ABCA13: variants seen among roughly 807,000 people sequenced by gnomAD.
ABCA13 encodes the protein ATP binding cassette subfamily A member 13, also known as ATP-binding cassette sub-family A member 13.
Under a neutral mutation model 478.7 loss-of-function variants are expected in ABCA13, and 476 were observed. The observed-to-expected ratio is 0.99, with a 90% CI of 0.92 to 1.07. The LOEUF (loss-of-function observed/expected upper bound fraction) is 1.07. Among genes scored for constraint, ABCA13 ranks in the 50% least tolerant of loss-of-function variants. The pLI, the probability that ABCA13 is intolerant of heterozygous loss-of-function variation, is 0.00. For missense variants in ABCA13, 6,060 were observed against 5,910.6 expected (o/e 1.03, Z -0.83); for synonymous variants, 2,252 against 2,158.9 (o/e 1.04, Z -1.20).
At chr7:48,277,673 T>C (rs1429285133) in intron 17 of ABCA13, among the ~76,000 whole-genome samples, 2 of 152,210 alleles carry the variant, frequency 1.3e-5, no homozygotes, top group Non-Finnish European at 2.9e-5. Context: ...GTCATGTTGA[T>C]ACATCTGTCT....
chr7:48,324,292 T>C (rs1272488465), intron 27 of ABCA13, among the ~76,000 whole-genome samples: 1 of 152,228 alleles, frequency 6.6e-6, no homozygotes, highest in Non-Finnish European at 1.5e-5. Context: ...TCTGTGTGTG[T>C]GTCCTAATAT....
chr7:48,383,205 C>G (rs565285898), intron 35 of ABCA13, among the ~76,000 whole-genome samples: 19 of 152,308 alleles, frequency 1.2e-4, no homozygotes, highest in African/African-American at 4.6e-4. Flanking sequence ...AGAGTAATGT[C>G]TTAGCTCCAT....
At chr7:48,372,635 A>G in intron 33 of ABCA13, 138 bp downstream of exon 33, 1 of 759,816 alleles carries the variant, frequency 1.3e-6, no homozygotes, top group Admixed American at 3.2e-5. Context: ...TCTGCTTTTT[A>G]AAATCTTACC....
At chr7:48,360,164 A>G (rs1478158329) in intron 31 of ABCA13, among the ~76,000 whole-genome samples, 2 of 150,292 alleles carry the variant, frequency 1.3e-5, no homozygotes, top group Non-Finnish European at 3.0e-5. Context: ...TACATTAGGT[A>G]TATCTCCTAA....
intron 52 of ABCA13, 66 bp downstream of exon 52, chr7:48,516,947 T>C: frequency 6.6e-7 from 1 of 1,511,586 alleles, no homozygotes; most frequent in Middle Eastern, 1.8e-4. Flanking sequence ...TGTTAACTCA[T>C]GCCTCTTTTG....
intron 57 of ABCA13, among the ~76,000 whole-genome samples, chr7:48,592,552 A>G (rs1789865899): frequency 6.6e-6 from 1 of 151,832 alleles, no homozygotes; most frequent in Admixed American, 6.6e-5. Flanking sequence ...GTATTCTGCT[A>G]TTGTTGGATG....
At chr7:48,354,386 T>A (rs954225176) in intron 31 of ABCA13, among the ~76,000 whole-genome samples, 1 of 152,016 alleles carries the variant, frequency 6.6e-6, no homozygotes, top group Non-Finnish European at 1.5e-5. Context: ...CTCCTACAAA[T>A]GTATTGATGG....
chr7:48,352,878 C>G (rs1809271865), intron 31 of ABCA13, among the ~76,000 whole-genome samples: 1 of 151,924 alleles, frequency 6.6e-6, no homozygotes, highest in Non-Finnish European at 1.5e-5. Flanking sequence ...AGGCTGTATA[C>G]TGGACAGGGT....
In ABCA13 at chr7:48,227,320, C is replaced by T. The variant is rs755379798; in HGVS notation, c.527C>T (p.Pro176Leu). ...AAACTGGAAAGCCTCCATCAGCAGC[C>T]TCATATCTGGGATTTTCTACTTTTA... ...ILKLESLHQQ[P>L]HIWDFLLLLP... The change falls in exon 6 of 62, where the codon CCT becomes CTT. Residue 176 changes from proline to leucine, a missense_variant. By Grantham distance (98) the Pro-to-Leu change is moderately conservative. This residue lies in a region of ABCA13 where 4,423 missense variants were observed against 4,309.1 expected (regional missense o/e 1.03). Coordinates refer to ENST00000435803, the MANE Select transcript of ABCA13 (RefSeq NM_152701.5). The T allele has an allele frequency of 9.3e-6, 15 of 1,613,626 alleles. No homozygotes were observed. The highest frequency in any genetic ancestry group is 1.2e-5 in the Non-Finnish European group (14 of 1,179,852).
In ABCA13 at chr7:48,486,804, T is replaced by G. The variant is rs551379003; in HGVS notation, c.13183-2432T>G. ...GTATTGGCTTCAGCTGGGATGACAG[T>G]GGAGGTCTCAGCTCCACTGTTGCAT... On this transcript the variant is annotated intron_variant, in intron 47 of 61. Transcript: ENST00000435803. 2.6e-5 allele frequency among the ~76,000 whole-genome samples: 4 copies of G among 152,180 alleles called. No homozygotes were observed. The South Asian group carries it at 6.2e-4, about 24-fold the overall frequency.
intron 38 of ABCA13, among the ~76,000 whole-genome samples, chr7:48,401,385 T>A (rs1817579336): frequency 6.6e-6 from 1 of 152,232 alleles, no homozygotes; most frequent in African/African-American, 2.4e-5. Flanking sequence ...AGTATTGTGA[T>A]GTGATAGAAA....
At chr7:48,345,570 A>G (rs377227915) in intron 29 of ABCA13, among the ~76,000 whole-genome samples, 1 of 152,244 alleles carries the variant, frequency 6.6e-6, no homozygotes, top group Admixed American at 6.5e-5. Context: ...GCTAGCTCAT[A>G]GAATAAGGAT....
chr7:48,305,156 A>G (rs985130667), intron 23 of ABCA13, among the ~76,000 whole-genome samples: 1 of 152,188 alleles, frequency 6.6e-6, no homozygotes, highest in Non-Finnish European at 1.5e-5. Context: ...AATTCTCCCA[A>G]CAACCCTTTG....
intron 55 of ABCA13, among the ~76,000 whole-genome samples, chr7:48,578,300 A>G (rs12718286): frequency 0.047 from 7,153 of 152,274 alleles, 176 homozygotes; most frequent in South Asian, 0.085. Context: ...TATAGATGAC[A>G]TGATTATATA....
intron 51 of ABCA13, among the ~76,000 whole-genome samples, chr7:48,512,561 T>G (rs1831780975): frequency 6.6e-6 from 1 of 152,212 alleles, no homozygotes; most frequent in Non-Finnish European, 1.5e-5. Flanking sequence ...TGGATAGTGT[T>G]GTCATGTCTC....
In ABCA13 at chr7:48,274,859, C is replaced by T. The variant is rs763052026; in HGVS notation, c.5193C>T (p.Leu1731=). The T allele has an allele frequency of 6.2e-7, 1 of 1,613,944 alleles. No individual in the cohort carries two copies. The highest frequency in any genetic ancestry group is 8.5e-7 in the Non-Finnish European group (1 of 1,179,870). ...HSWNVNHLLQ[L]SRLFPKDVVD... Reference sequence around the variant, plus strand: ...GGAATGTTAATCATCTGCTGCAGCTCTCACGCCTGTTTCCTAAAGATGTTG... The same window carrying T: ...GGAATGTTAATCATCTGCTGCAGCTTTCACGCCTGTTTCCTAAAGATGTTG... The change falls in exon 17 of 62, where the codon CTC becomes CTT. Residue 1731 remains leucine, a synonymous_variant. Coordinates refer to ENST00000435803, the MANE Select transcript of ABCA13 (RefSeq NM_152701.5).
intron 42 of ABCA13, among the ~76,000 whole-genome samples, chr7:48,446,384 CT>C (rs34961059): frequency 0.17 from 23,844 of 138,474 alleles, 2,468 homozygotes; most frequent in East Asian, 0.24. Flanking sequence ...TTGTCATGCC[CT>C]TTAAAAAAAA....
intron 28 of ABCA13, 75 bp from the exon 29 acceptor site, chr7:48,338,290 A>T: frequency 1.8e-6 from 2 of 1,083,476 alleles, no homozygotes; most frequent in South Asian, 5.2e-5. Flanking sequence ...GAAACTTTGA[A>T]TAAGTCTAAT....
At chr7:48,411,042 T>TCTTTCTTTCTTTCTTC in intron 40 of ABCA13, among the ~76,000 whole-genome samples, 1 of 111,650 alleles carries the variant, frequency 9.0e-6, no homozygotes, top group Middle Eastern at 3.6e-3. Flanking sequence ...TTTCTTTCTT[T>TCTTTCTTTCTTTCTTC]CTTTCTTTTT....
Sources: allele counts gnomAD v4.1 joint callset (sites outside exome capture counted in the v4.1 genomes callset), GRCh38; gene constraint gnomAD v4.1.1; regional missense constraint gnomAD v4.1.1; transcripts MANE v1.5; gene names NCBI Gene and HGNC (gene_info 2026-07-23, HGNC 2026-07-21).